RARB: variants seen among roughly 807,000 people sequenced by gnomAD.
RARB encodes HBV-activated protein.
Under a neutral mutation model 51.9 loss-of-function variants are expected in RARB, and 17 were observed. The observed-to-expected ratio is 0.33, with a 90% CI of 0.22 to 0.49. The LOEUF (loss-of-function observed/expected upper bound fraction) is 0.49, where lower values mean the gene tolerates loss of function less well. RARB is among the 20% of genes least tolerant of loss of function. The pLI is 0.99. For synonymous variants in RARB, 215 were observed against 195.4 expected, an observed-to-expected ratio of 1.10 and a Z score of -0.84; for missense variants, 369 against 550.8, an observed-to-expected ratio of 0.67 and a Z score of 3.30.
intron 4 of RARB, among the ~76,000 whole-genome samples, chr3:25,168,163 G>A (rs1012522633): frequency 6.6e-5 from 10 of 152,138 alleles, no homozygotes; most frequent in African/African-American, 1.7e-4. Flanking sequence ...AAGAGAAAGA[G>A]TCTATAATAT....
chr3:25,353,870 G>T (rs1006333761), intron 5 of RARB, among the ~76,000 whole-genome samples: 4 of 152,034 alleles, frequency 2.6e-5, no homozygotes, highest in East Asian at 1.9e-4. Flanking sequence ...TTCTTTTAGG[G>T]CCTGAATATA....
chr3:25,254,428 C>G (rs1397522628), intron 5 of RARB, among the ~76,000 whole-genome samples: 4 of 152,162 alleles, frequency 2.6e-5, no homozygotes, highest in African/African-American at 7.2e-5. Context: ...AGAGCCTCAT[C>G]ATCTCTAAAT....
At chr3:25,070,357 C>A (rs755564988) in intron 3 of RARB, among the ~76,000 whole-genome samples, 28 of 152,170 alleles carry the variant, frequency 1.8e-4, no homozygotes, top group African/African-American at 6.7e-4. Flanking sequence ...GAGGGAAGAG[C>A]GAGTGCATAC....
At chr3:25,143,032 G>A (rs572180620) in intron 4 of RARB, among the ~76,000 whole-genome samples, 7 of 152,306 alleles carry the variant, frequency 4.6e-5, no homozygotes, top group African/African-American at 1.7e-4. Context: ...AGGCAGAAAA[G>A]TTGAGCCTTT....
intron 2 of RARB, among the ~76,000 whole-genome samples, chr3:24,893,266 CAT>C (rs1479987566): frequency 6.6e-5 from 10 of 152,132 alleles, no homozygotes; most frequent in African/African-American, 2.4e-4. Flanking sequence ...CCCTGGGAGA[CAT>C]TTTAAGATGG....
chr3:24,952,801 T>A (rs1182202179), intron 2 of RARB, among the ~76,000 whole-genome samples: 1 of 152,126 alleles, frequency 6.6e-6, no homozygotes, highest in Non-Finnish European at 1.5e-5. Context: ...TCAATTTCCC[T>A]AAATTGTCTA....
At chr3:25,556,981 G>A (rs1232143850) in intron 3 of RARB, among the ~76,000 whole-genome samples, 1 of 152,194 alleles carries the variant, frequency 6.6e-6, no homozygotes, top group Non-Finnish European at 1.5e-5. Context: ...AGTAATTCTT[G>A]TAAACAATTC....
chr3:25,457,025 G>A (rs1376765158), intron 1 of RARB, among the ~76,000 whole-genome samples: 1 of 151,984 alleles, frequency 6.6e-6, no homozygotes. Context: ...GGATTCGCCT[G>A]GGAATACTTT....
chr3:25,328,952 G>A (rs575491781), intron 5 of RARB, among the ~76,000 whole-genome samples: 1 of 152,196 alleles, frequency 6.6e-6, no homozygotes, highest in Non-Finnish European at 1.5e-5. Context: ...AGATCGAACT[G>A]CAAGGTGGCA....
intron 3 of RARB, among the ~76,000 whole-genome samples, chr3:25,117,034 C>G (rs1699699679): frequency 6.6e-6 from 1 of 152,140 alleles, no homozygotes; most frequent in Non-Finnish European, 1.5e-5. Context: ...AGCCAGAAAT[C>G]ATCCTTTCTG....
intron 2 of RARB, among the ~76,000 whole-genome samples, chr3:24,975,695 T>A (rs1485101905): frequency 2.0e-5 from 3 of 152,148 alleles, no homozygotes; most frequent in African/African-American, 7.2e-5. Context: ...CTCAGCTTCT[T>A]TAGGTAAAAA....
intron 5 of RARB, among the ~76,000 whole-genome samples, chr3:25,225,837 A>C (rs1702044187): frequency 6.6e-6 from 1 of 152,114 alleles, no homozygotes; most frequent in Non-Finnish European, 1.5e-5. Flanking sequence ...ATTGGACCTT[A>C]AAAAAGGGAA....
intron 2 of RARB, among the ~76,000 whole-genome samples, chr3:25,494,251 A>ACACACACACGCACGCGCG (rs1443411582): frequency 7.8e-5 from 6 of 77,104 alleles, no homozygotes; most frequent in South Asian, 3.5e-4. Context: ...GCTGTATCTT[A>ACACACACACGCACGCGCG]CGCACACACA....
chr3:25,525,917 A>C (rs530227774), intron 3 of RARB, among the ~76,000 whole-genome samples: 10 of 152,226 alleles, frequency 6.6e-5, no homozygotes, highest in African/African-American at 1.4e-4. Context: ...AGCAGTTGCA[A>C]AGCTCTGAGC....
At chr3:25,030,395 T>C (rs1022904355) in intron 2 of RARB, among the ~76,000 whole-genome samples, 1 of 152,242 alleles carries the variant, frequency 6.6e-6, no homozygotes, top group African/African-American at 2.4e-5. Context: ...AGTAAGAGTA[T>C]TGTACATATC....
At chr3:25,233,549 T>C (rs1227705233) in intron 5 of RARB, among the ~76,000 whole-genome samples, 1 of 152,194 alleles carries the variant, frequency 6.6e-6, no homozygotes, top group Non-Finnish European at 1.5e-5. Context: ...TTAATTACTT[T>C]ATTGCATGGC....
At chr3:25,375,766 A>G (rs943121774) in intron 5 of RARB, among the ~76,000 whole-genome samples, 1 of 152,210 alleles carries the variant, frequency 6.6e-6, no homozygotes, top group Non-Finnish European at 1.5e-5. Context: ...GCTGGGATGC[A>G]TGTACCATGA....
intron 2 of RARB, among the ~76,000 whole-genome samples, chr3:24,860,069 G>T (rs1222973446): frequency 1.3e-5 from 2 of 152,130 alleles, no homozygotes; most frequent in South Asian, 2.1e-4. Flanking sequence ...ACCTCCACTT[G>T]GTTTGTGATG....
chr3:25,485,985 G>A (rs1032766276), intron 2 of RARB, among the ~76,000 whole-genome samples: 1 of 152,170 alleles, frequency 6.6e-6, no homozygotes, highest in African/African-American at 2.4e-5. Flanking sequence ...CACTGAAGTG[G>A]GTTGCCACGA....
Sources: gnomAD v4.1 joint callset for allele counts (sites outside exome capture counted in the v4.1 genomes callset) on GRCh38, gnomAD v4.1.1 for gene constraint, MANE v1.5 for transcripts, NCBI Gene and HGNC (gene_info 2026-07-23, HGNC 2026-07-21) for gene names.